The following POPDC3 variants were observed in gnomAD, a reference collection of about 807,000 sequenced individuals.
The protein encoded by POPDC3 is popeye domain-containing protein 3.
In POPDC3, 20 loss-of-function variants were observed where a neutral mutation model predicts 28.2. The ratio of observed to expected loss-of-function variants is 0.71; its 90% CI spans 0.50 to 1.03. The LOEUF is 1.03. POPDC3 is among the 50% of genes least tolerant of loss of function. The probability of loss-of-function intolerance (pLI) is 0.00; values close to 1 mark genes in which losing one functional copy is unlikely to be tolerated. For synonymous variants in POPDC3, 118 were observed against 124.1 expected, an observed-to-expected ratio of 0.95 and a Z score of 0.33; for missense variants, 316 against 345.9, an observed-to-expected ratio of 0.91 and a Z score of 0.69.
chr6:105,176,408 A>T lies in POPDC3; in HGVS notation c.-252+3425T>A, dbSNP rs374744708. Among the ~76,000 whole-genome samples the T allele has an allele frequency of 8.5e-5, 13 of 152,360 alleles. No homozygotes were observed. The East Asian group carries it at 1.9e-3, about 23-fold the overall frequency. On this transcript the variant is annotated intron_variant, in intron 1 of 3. Transcript: ENST00000254765. ...GGCTGAAACCTGGCTATTACAAAAAATACACTGTTGAGTTAGTTTTCTGTT... is the reference window on the plus strand; with the variant it reads ...GGCTGAAACCTGGCTATTACAAAAATTACACTGTTGAGTTAGTTTTCTGTT...
Position 105,159,836 on chromosome 6 carries a change from A to C in POPDC3, c.486-17T>G. 6.4e-7 allele frequency: 1 copy of C among 1,560,904 alleles called. No individual in the cohort carries two copies. Among genetic ancestry groups the C allele is most frequent in the Non-Finnish European group, 8.8e-7 (1 of 1,132,476 alleles). ...ACTCTGATCCTATCAAAACACAAGA[A>C]CAACATTTATAAGGGAAGGAGAAAG... On this transcript the variant is annotated splice_polypyrimidine_tract_variant and intron_variant, in intron 2 of 3. Transcript: ENST00000254765.
At chr6:105,175,662 T>C (rs1242471904) in intron 1 of POPDC3, among the ~76,000 whole-genome samples, 1 of 151,454 alleles carries the variant, frequency 6.6e-6, no homozygotes, top group Non-Finnish European at 1.5e-5. Flanking sequence ...GGCAACATGG[T>C]AAAAGCCCAT....
At chr6:105,178,890 T>G (rs1257792346) in intron 1 of POPDC3, 1 of 985,348 alleles carries the variant, frequency 1.0e-6, no homozygotes, top group Non-Finnish European at 1.2e-6. Context: ...AAGGCTGCTA[T>G]AAAACTCAAT....
intron 1 of POPDC3, chr6:105,178,563 G>GGAAGAC (rs1042406372): frequency 2.6e-5 from 4 of 152,858 alleles, no homozygotes; most frequent in African/African-American, 1.0e-4. Flanking sequence ...AACTCCTGAA[G>GGAAGAC]ACACACACAC....
intron 1 of POPDC3, among the ~76,000 whole-genome samples, chr6:105,167,810 G>A (rs1450422148): frequency 1.3e-5 from 2 of 151,450 alleles, no homozygotes; most frequent in African/African-American, 4.9e-5. Flanking sequence ...ATATTGAAAT[G>A]ACAGTGTTTT....
intron 2 of POPDC3, 63 bp from the exon 3 acceptor site, chr6:105,159,882 G>T (rs1488822754): frequency 8.8e-7 from 1 of 1,137,916 alleles, no homozygotes; most frequent in Non-Finnish European, 1.3e-6. Context: ...ATTGGGGAGG[G>T]GTGGGGGGTA....
rs141843544 is a variant in POPDC3, at chr6:105,161,785, A to G, written c.125T>C (p.Met42Thr). 1.7e-5 allele frequency: 27 copies of G among 1,614,100 alleles called. No individual in the cohort carries two copies. Among genetic ancestry groups the G allele is most frequent in the Non-Finnish European group, 2.1e-5 (25 of 1,180,050 alleles). The stretch of plus-strand genomic sequence containing the variant: ...GAGCCCGAAGAATCCACTGCCACCC[A>G]TGAAACCTACTACAAATAAAATACT... ...LASILFVVGF[M>T]GGSGFFGLLY... Residue 42 changes from methionine to threonine, a missense_variant, in exon 2 of 4, where the codon ATG becomes ACG. Transcript: ENST00000254765.
At position 105,158,458 on chromosome 6, in the gene POPDC3, C is replaced by G. The variant is rs1014656575; in HGVS notation, c.*12G>C. On this transcript the variant is annotated 3_prime_UTR_variant, in exon 4 of 4. Coordinates refer to ENST00000254765, the MANE Select transcript of POPDC3 (RefSeq NM_022361.5). ...AGTCTTTTTTTATACTTATAAATTT[C>G]AGACTTTGATGTCATTTATCACAGT... 6.3e-7 allele frequency: 1 copy of G among 1,580,138 alleles called. No homozygotes were observed. Among genetic ancestry groups the G allele is most frequent in the Non-Finnish European group, 8.6e-7 (1 of 1,161,456 alleles).
chr6:105,163,261 ATATT>A (rs570000648), intron 1 of POPDC3, among the ~76,000 whole-genome samples: 42 of 152,302 alleles, frequency 2.8e-4, no homozygotes, highest in Non-Finnish European at 5.4e-4. Context: ...TGTTACTTAC[ATATT>A]TATTTATCAG....
intron 1 of POPDC3, among the ~76,000 whole-genome samples, chr6:105,170,316 T>C (rs1774550156): frequency 6.6e-6 from 1 of 152,210 alleles, no homozygotes. Flanking sequence ...CTAGATACAT[T>C]AAGCAGTCGT....
intron 1 of POPDC3, among the ~76,000 whole-genome samples, chr6:105,171,781 T>C (rs780906748): frequency 7.0e-6 from 1 of 143,092 alleles, no homozygotes; most frequent in Non-Finnish European, 1.6e-5. Flanking sequence ...TTCAAAACTG[T>C]GATCTATTTT....
intron 1 of POPDC3, among the ~76,000 whole-genome samples, chr6:105,172,058 T>G (rs897827809): frequency 6.0e-5 from 9 of 151,072 alleles, no homozygotes; most frequent in Non-Finnish European, 1.2e-4. Context: ...AAAGAACTTC[T>G]GCACAGCAAA....
At chr6:105,171,877 T>G (rs1228850040) in intron 1 of POPDC3, among the ~76,000 whole-genome samples, 5 of 150,612 alleles carry the variant, frequency 3.3e-5, no homozygotes, top group African/African-American at 1.2e-4. Flanking sequence ...AGAGATGGAG[T>G]CTCCTTGTGT....
chr6:105,171,683 TAATA>T (rs1774580640), intron 1 of POPDC3, among the ~76,000 whole-genome samples: 1 of 150,974 alleles, frequency 6.6e-6, no homozygotes, highest in African/African-American at 2.4e-5. Flanking sequence ...ATAATAATAA[TAATA>T]ATTATTATTA....
In POPDC3 at chr6:105,158,044, C is replaced by CA. The variant is rs2114520768; in HGVS notation, c.*425dup. Among the ~76,000 whole-genome samples, 1 of 152,136 alleles carries CA rather than the reference C, an allele frequency of 6.6e-6. No individual in the cohort carries two copies. Among genetic ancestry groups the CA allele is most frequent in the African/African-American group, 2.4e-5 (1 of 41,518 alleles). ...TAATTGCTTTCACTGGAGGTTGTAG[C>CA]AAAAAAGTGAATTCCGGAAATGCCT... On this transcript the variant is annotated 3_prime_UTR_variant, in exon 4 of 4. Transcript: ENST00000254765.
rs1054547392 is a variant in POPDC3 at position 105,158,695 on chromosome 6, T to C, written c.651A>G (p.Leu217=). 3 of 1,613,904 alleles carry C rather than the reference T, an allele frequency of 1.9e-6. No individual in the cohort carries two copies. The highest frequency in any genetic ancestry group is 2.5e-6 in the Non-Finnish European group (3 of 1,179,928). The change falls in exon 4 of 4, where the codon TTA becomes TTG. Residue 217 remains leucine, a synonymous_variant. Coordinates refer to ENST00000254765, the MANE Select transcript of POPDC3 (RefSeq NM_022361.5). ...CRYVSWRRKK[L]YLLFAQHRYI... The stretch of plus-strand genomic sequence containing the variant: ...AGCGATGCTGAGCAAAGAGCAGATA[T>C]AATTTCTTTCTCCTCCAAGACACAT...
At chr6:105,169,931 C>T (rs1582995563) in intron 1 of POPDC3, 1 of 151,814 alleles carries the variant, frequency 6.6e-6, no homozygotes, top group Non-Finnish European at 1.5e-5. Flanking sequence ...TCTGGACTTA[C>T]TGGAACAAAA....
chr6:105,167,348 T>C (rs6908448), intron 1 of POPDC3, among the ~76,000 whole-genome samples: 15,773 of 152,134 alleles, frequency 0.1, 1,052 homozygotes, highest in African/African-American at 0.19. Context: ...TAGCAGTTAC[T>C]ATCACACAGG....
intron 1 of POPDC3, among the ~76,000 whole-genome samples, chr6:105,163,172 C>A (rs1171181033): frequency 6.6e-6 from 1 of 152,114 alleles, no homozygotes; most frequent in Admixed American, 6.5e-5. Flanking sequence ...ATTTGAGAAA[C>A]AAATGTACTA....
Sources: gnomAD v4.1 joint callset for allele counts (sites outside exome capture counted in the v4.1 genomes callset) on GRCh38, gnomAD v4.1.1 for gene constraint, MANE v1.5 for transcripts, NCBI Gene and HGNC (gene_info 2026-07-23, HGNC 2026-07-21) for gene names.